Variants in RABGAP1L observed in about 807,000 individuals in gnomAD.
The protein encoded by RABGAP1L is RAB GTPase activating protein 1 like, also known as rab GTPase-activating protein 1-like.
RABGAP1L carries 63 observed loss-of-function variants against 137.7 expected under a neutral mutation model. That is an observed-to-expected ratio of 0.46 (90% CI 0.37 to 0.56). The LOEUF is 0.56. RABGAP1L is among the 20% of genes least tolerant of loss of function. The probability of loss-of-function intolerance (pLI) is 0.00; values close to 1 mark genes in which losing one functional copy is unlikely to be tolerated. For missense variants in RABGAP1L, 1,095 were observed against 1,244.0 expected (o/e 0.88, Z 1.80); for synonymous variants, 431 against 433.7 (o/e 0.99, Z 0.08).
chr1:174,518,904 G>T (rs538750071), intron 13 of RABGAP1L, among the ~76,000 whole-genome samples: 2 of 152,246 alleles, frequency 1.3e-5, no homozygotes, highest in Non-Finnish European at 2.9e-5. Context: ...AGTAGCTGAG[G>T]ATTTCAAAGT....
At chr1:174,630,012 A>G (rs1318945232) in intron 13 of RABGAP1L, among the ~76,000 whole-genome samples, 3 of 151,558 alleles carry the variant, frequency 2.0e-5, no homozygotes, top group Admixed American at 6.6e-5. Flanking sequence ...CCCATTCAGT[A>G]TGATATTGGC....
At chr1:174,383,565 G>C (rs559395148) in intron 12 of RABGAP1L, among the ~76,000 whole-genome samples, 8 of 152,260 alleles carry the variant, frequency 5.3e-5, no homozygotes, top group African/African-American at 1.9e-4. Flanking sequence ...AGGTGCGTCC[G>C]TCACCGCTTT....
chr1:174,907,075 T>G (rs1659214990), intron 19 of RABGAP1L, among the ~76,000 whole-genome samples: 1 of 145,726 alleles, frequency 6.9e-6, no homozygotes, highest in South Asian at 2.2e-4. Context: ...CACTAATGGG[T>G]TAAAAAAAAA....
intron 18 of RABGAP1L, among the ~76,000 whole-genome samples, chr1:174,773,163 G>GGGGTGTGTGTGTGTGTGT (rs10529487): frequency 6.0e-5 from 9 of 149,658 alleles, no homozygotes; most frequent in Middle Eastern, 3.4e-3. Context: ...TAAGCTATGG[G>GGGGTGTGTGTGTGTGTGT]GTGTGTGTGT....
chr1:174,633,596 A>G (rs1673637100), intron 13 of RABGAP1L, among the ~76,000 whole-genome samples: 1 of 130,742 alleles, frequency 7.6e-6, no homozygotes, highest in African/African-American at 3.7e-5. Flanking sequence ...AGCCAAAAGA[A>G]CAAAGCTGGA....
At chr1:174,770,978 G>T (rs1573111618) in intron 18 of RABGAP1L, among the ~76,000 whole-genome samples, 1 of 152,372 alleles carries the variant, frequency 6.6e-6, no homozygotes, top group East Asian at 1.9e-4. Context: ...TGATCCTGGG[G>T]TTTAAAAGGG....
intron 7 of RABGAP1L, among the ~76,000 whole-genome samples, chr1:174,267,492 C>T (rs1674170850): frequency 6.6e-6 from 1 of 152,088 alleles, no homozygotes; most frequent in Non-Finnish European, 1.5e-5. Flanking sequence ...TGATGAAAAG[C>T]ATGAATGTTC....
chr1:174,242,309 A>G (rs1364034403), intron 5 of RABGAP1L, among the ~76,000 whole-genome samples: 3 of 152,248 alleles, frequency 2.0e-5, no homozygotes, highest in East Asian at 1.9e-4. Flanking sequence ...AGTTAATTAC[A>G]TAGGGAAATC....
At chr1:174,217,997 A>G (rs1669466933) in intron 1 of RABGAP1L, among the ~76,000 whole-genome samples, 1 of 152,144 alleles carries the variant, frequency 6.6e-6, no homozygotes, top group Non-Finnish European at 1.5e-5. Context: ...GATTTTAGGC[A>G]TGGATCAGTA....
In RABGAP1L at chr1:174,179,600, T is replaced by C. The variant is rs113647057; in HGVS notation, c.-34+19943T>C. Reference sequence around the variant, plus strand: ...CACACACACTTTTTAACTGAGCATATATGGTTGTACAGTGACTACCAGTAT... The same window carrying C: ...CACACACACTTTTTAACTGAGCATACATGGTTGTACAGTGACTACCAGTAT... On this transcript the variant is annotated intron_variant, in intron 1 of 25. Transcript: ENST00000681986. Among the ~76,000 whole-genome samples, 186 of 152,192 alleles carry C rather than the reference T, an allele frequency of 1.2e-3. 1 individual carries two copies. The highest frequency in any genetic ancestry group is 4.4e-3 in the African/African-American group (181 of 41,510).
chr1:174,365,828 T>A (rs936513943), intron 11 of RABGAP1L, among the ~76,000 whole-genome samples: 1 of 152,198 alleles, frequency 6.6e-6, no homozygotes, highest in African/African-American at 2.4e-5. Context: ...GTTTGGTTCT[T>A]ATGACAGTGT....
intron 6 of RABGAP1L, among the ~76,000 whole-genome samples, chr1:174,251,233 A>G (rs1420972101): frequency 1.3e-5 from 2 of 151,818 alleles, no homozygotes; most frequent in East Asian, 3.9e-4. Context: ...CCCTTTGTTT[A>G]TTTCTAGGGG....
chr1:174,588,148 G>C (rs931790795), intron 13 of RABGAP1L, among the ~76,000 whole-genome samples: 1 of 151,970 alleles, frequency 6.6e-6, no homozygotes, highest in Non-Finnish European at 1.5e-5. Flanking sequence ...TTACAGGCAT[G>C]AGCCACCATG....
intron 13 of RABGAP1L, among the ~76,000 whole-genome samples, chr1:174,417,249 A>C (rs181617878): frequency 6.6e-6 from 1 of 152,126 alleles, no homozygotes; most frequent in African/African-American, 2.4e-5. Flanking sequence ...GCATATTTTT[A>C]TGAAGCCAAT....
At chr1:174,274,769 T>G (rs1012261728) in intron 8 of RABGAP1L, among the ~76,000 whole-genome samples, 2 of 152,074 alleles carry the variant, frequency 1.3e-5, no homozygotes, top group Admixed American at 6.6e-5. Flanking sequence ...ACAATCTGAT[T>G]AGTGAAGTAT....
intron 19 of RABGAP1L, among the ~76,000 whole-genome samples, chr1:174,885,223 C>T (rs1484013954): frequency 6.6e-6 from 1 of 152,102 alleles, no homozygotes; most frequent in Non-Finnish European, 1.5e-5. Context: ...CTTACAGAAT[C>T]ATGTTAGTAG....
intron 13 of RABGAP1L, among the ~76,000 whole-genome samples, chr1:174,479,435 G>A (rs2149326868): frequency 6.6e-6 from 1 of 152,250 alleles, no homozygotes; most frequent in Admixed American, 6.5e-5. Context: ...TGGGACCCAG[G>A]AATTTGCACT....
intron 17 of RABGAP1L, among the ~76,000 whole-genome samples, chr1:174,748,398 G>A (rs1005376446): frequency 6.6e-5 from 10 of 152,102 alleles, no homozygotes; most frequent in African/African-American, 2.2e-4. Context: ...GGTGATTCTA[G>A]CCTGTTACTA....
At chr1:174,369,475 C>T (rs1684920339) in intron 11 of RABGAP1L, among the ~76,000 whole-genome samples, 1 of 152,158 alleles carries the variant, frequency 6.6e-6, no homozygotes, top group Admixed American at 6.5e-5. Flanking sequence ...TGAGCCACTG[C>T]ACTTGACCAA....
Sources: gnomAD v4.1 joint callset for allele counts (sites outside exome capture counted in the v4.1 genomes callset) on GRCh38, gnomAD v4.1.1 for gene constraint, MANE v1.5 for transcripts, NCBI Gene and HGNC (gene_info 2026-07-23, HGNC 2026-07-21) for gene names.